The following PSMG2 variants were observed in gnomAD, a reference collection of about 807,000 sequenced individuals.
PSMG2 encodes the protein CD40 ligand-activated specific transcript 3.
Under a neutral mutation model 31.5 loss-of-function variants are expected in PSMG2, and 21 were observed. The observed-to-expected ratio is 0.67, with a 90% CI of 0.47 to 0.96. PSMG2 has a LOEUF of 0.96. Ranked by LOEUF, PSMG2 falls within the 40% of genes least tolerant of loss-of-function variation. The pLI, the probability that PSMG2 is intolerant of heterozygous loss-of-function variation, is 0.00. For synonymous variants in PSMG2, 120 were observed against 110.4 expected, an observed-to-expected ratio of 1.09 and a Z score of -0.54; for missense variants, 318 against 321.2, an observed-to-expected ratio of 0.99 and a Z score of 0.08.
chr18:12,673,537 A>T, intron 1 of PSMG2: 1 of 1,493,276 alleles, frequency 6.7e-7, no homozygotes, highest in South Asian at 1.2e-5. Context: ...TCAATTAAGA[A>T]GTGACCATAC....
intron 1 of PSMG2, chr18:12,686,387 G>A (rs940618359): frequency 3.1e-6 from 5 of 1,614,098 alleles, no homozygotes; most frequent in Non-Finnish European, 4.2e-6. Flanking sequence ...GGAGTATCAA[G>A]AAGCCGTCCA....
intron 2 of PSMG2, among the ~76,000 whole-genome samples, chr18:12,710,624 G>A (rs9646473): frequency 0.14 from 21,320 of 151,942 alleles, 1,732 homozygotes; most frequent in African/African-American, 0.2. Flanking sequence ...GTCTGATTAC[G>A]TCCTCTTGTC....
At chr18:12,694,961 C>T (rs886741628) in intron 1 of PSMG2, among the ~76,000 whole-genome samples, 15 of 151,958 alleles carry the variant, frequency 9.9e-5, no homozygotes, top group African/African-American at 2.9e-4. Flanking sequence ...GTGATCCGCC[C>T]GCCTCGGCCT....
rs1318729938 is a variant in PSMG2 at position 12,712,711 on chromosome 18, T to C, written c.239T>C (p.Leu80Ser). Residue 80 changes from leucine to serine, a missense_variant, in exon 3 of 7, where the codon TTG (leucine) becomes TCG (serine). Physicochemically the swap from Leu to Ser is moderately radical, Grantham distance 145. Coordinates refer to ENST00000317615, the MANE Select transcript of PSMG2 (RefSeq NM_020232.5). Reference protein sequence around the residue: ...ELSINAEVYSLPSRKLVALQL... With the variant: ...ELSINAEVYSSPSRKLVALQL... ...CTTCTTGTTTTTATAGTGTATTCAT[T>C]GCCTTCAAGAAAGCTGGTGGCTCTA... 1.2e-6 allele frequency: 2 copies of C among 1,601,792 alleles called. No homozygotes were observed. Among genetic ancestry groups the C allele is most frequent in the Admixed American group, 3.3e-5 (2 of 59,826 alleles).
At chr18:12,695,143 G>A (rs1163996241) in intron 1 of PSMG2, 1 of 473,870 alleles carries the variant, frequency 2.1e-6, no homozygotes, top group Non-Finnish European at 3.8e-6. Flanking sequence ...TGCTAATCTA[G>A]AAAGTAATAA....
At chr18:12,690,768 A>G (rs563456455) in intron 1 of PSMG2, among the ~76,000 whole-genome samples, 9 of 152,182 alleles carry the variant, frequency 5.9e-5, no homozygotes, top group African/African-American at 2.2e-4. Flanking sequence ...CTGACCATAT[A>G]TTTTATATTG....
intron 1 of PSMG2, among the ~76,000 whole-genome samples, chr18:12,661,644 GC>G (rs2144935650): frequency 6.7e-6 from 1 of 150,336 alleles, no homozygotes; most frequent in African/African-American, 2.4e-5. Context: ...GCATGGTGAT[GC>G]ATGCCTGTAA....
intron 1 of PSMG2, chr18:12,695,296 T>C (rs372944172): frequency 1.3e-6 from 2 of 1,572,288 alleles, no homozygotes; most frequent in Non-Finnish European, 1.7e-6. Context: ...GATTGAGTGG[T>C]GGATACATTT....
At chr18:12,702,637 A>C, upstream of PSMG2, 1 of 1,423,140 alleles carries the variant, frequency 7.0e-7, no homozygotes, top group Non-Finnish European at 9.4e-7. Context: ...GTTAGGAGCG[A>C]CTGGAGCACA....
intron 4 of PSMG2, among the ~76,000 whole-genome samples, chr18:12,719,031 A>C (rs1489442526): frequency 6.6e-6 from 1 of 152,192 alleles, no homozygotes; most frequent in African/African-American, 2.4e-5. Context: ...TTACCTTGAA[A>C]GATTAATATT....
chr18:12,672,443 T>G (rs897187859), intron 1 of PSMG2, among the ~76,000 whole-genome samples: 1 of 152,140 alleles, frequency 6.6e-6, no homozygotes, highest in Non-Finnish European at 1.5e-5. Context: ...CGTGCTCAAT[T>G]TTAAAACAAA....
At chr18:12,668,087 AGACCCTGTCCCTAC>A (rs2038842114) in intron 1 of PSMG2, among the ~76,000 whole-genome samples, 1 of 152,080 alleles carries the variant, frequency 6.6e-6, no homozygotes, top group African/African-American at 2.4e-5. Context: ...CAACATGGTG[AGACCCTGTCCCTAC>A]GAAAAATACA....
chr18:12,673,500 A>C, intron 1 of PSMG2: 1 of 1,574,174 alleles, frequency 6.4e-7, no homozygotes, highest in Non-Finnish European at 8.6e-7. Flanking sequence ...CACAGAAAGG[A>C]GATCTATTTA....
chr18:12,688,822 A>G (rs1440911308), intron 1 of PSMG2, among the ~76,000 whole-genome samples: 1 of 152,152 alleles, frequency 6.6e-6, no homozygotes, highest in East Asian at 1.9e-4. Flanking sequence ...CCATCATTGC[A>G]AAAAGTTCTT....
At chr18:12,711,416 G>A (rs1404530585) in intron 2 of PSMG2, among the ~76,000 whole-genome samples, 2 of 152,148 alleles carry the variant, frequency 1.3e-5, no homozygotes, top group African/African-American at 2.4e-5. Context: ...TGGACTACAT[G>A]TGTTTGTCAC....
intron 1 of PSMG2, among the ~76,000 whole-genome samples, chr18:12,668,024 G>T (rs962157068): frequency 1.3e-5 from 2 of 151,996 alleles, no homozygotes; most frequent in Non-Finnish European, 2.9e-5. Flanking sequence ...CAGCACTTTG[G>T]GAGGCCGAGG....
chr18:12,670,151 G>A (rs937431354), intron 1 of PSMG2, among the ~76,000 whole-genome samples: 3 of 151,946 alleles, frequency 2.0e-5, no homozygotes, highest in Non-Finnish European at 4.4e-5. Flanking sequence ...GCAACAAGGT[G>A]AAACCCCTCT....
intron 2 of PSMG2, among the ~76,000 whole-genome samples, chr18:12,707,303 A>G (rs756838123): frequency 2.6e-5 from 4 of 152,096 alleles, no homozygotes; most frequent in Non-Finnish European, 5.9e-5. Context: ...TTGTTTTTCA[A>G]CATGGATTTT....
chr18:12,670,129 C>T (rs186452891), intron 1 of PSMG2, among the ~76,000 whole-genome samples: 5 of 151,998 alleles, frequency 3.3e-5, no homozygotes, highest in Admixed American at 1.3e-4. Context: ...CAGGAGTTCG[C>T]GACCAGCCTG....
Sources: gnomAD v4.1 joint callset for allele counts (sites outside exome capture counted in the v4.1 genomes callset) on GRCh38, gnomAD v4.1.1 for gene constraint, MANE v1.5 for transcripts, NCBI Gene and HGNC (gene_info 2026-07-23, HGNC 2026-07-21) for gene names.